The following ZNF469 variants were observed in gnomAD, a reference collection of about 807,000 sequenced individuals.
ZNF469 encodes the protein zinc finger protein 469.
ZNF469 carries 1 observed loss-of-function variant against 1.0 expected under a neutral mutation model. The observed-to-expected ratio is 1.00, with a 90% CI of 0.35 to 4.73. ZNF469 has a LOEUF of 4.73. Among genes scored for constraint, ZNF469 ranks in the 30% most tolerant of loss-of-function variants. The pLI is 0.16. For missense variants in ZNF469, 6,100 were observed against 5,356.3 expected, an observed-to-expected ratio of 1.14 and a Z score of -4.33; for synonymous variants, 2,703 against 2,363.4, an observed-to-expected ratio of 1.14 and a Z score of -4.17.
At chr16:88,371,972 C>G in the ZNF469 span, among the ~76,000 whole-genome samples, 1 of 23,180 alleles carries the variant, frequency 4.3e-5, no homozygotes, top group African/African-American at 2.0e-4. Flanking sequence ...ATCACCATCA[C>G]CACCATCATC....
At chr16:88,337,280 A>C in the ZNF469 span, among the ~76,000 whole-genome samples, 2 of 152,156 alleles carry the variant, frequency 1.3e-5, no homozygotes, top group African/African-American at 4.8e-5. Context: ...TGCTGTTCTC[A>C]TGACAGTGAA....
At chr16:88,406,440 C>G (rs1905031463) in intron 1 of ZNF469, among the ~76,000 whole-genome samples, 1 of 152,264 alleles carries the variant, frequency 6.6e-6, no homozygotes, top group African/African-American at 2.4e-5. Flanking sequence ...TTCCTGTCCT[C>G]CTCCCTGCCG....
chr16:88,201,054 C>A, the ZNF469 span, among the ~76,000 whole-genome samples: 2 of 152,290 alleles, frequency 1.3e-5, no homozygotes, highest in African/African-American at 4.8e-5. The surrounding 1 kb of genome is among the most constrained non-coding windows in gnomAD (Gnocchi z 5.0). Context: ...GAGGCTGGGC[C>A]CCTCTGTGCC....
intron 1 of ZNF469, among the ~76,000 whole-genome samples, chr16:88,384,036 G>A (rs1414824053): frequency 6.6e-6 from 1 of 152,236 alleles, no homozygotes; most frequent in Non-Finnish European, 1.5e-5. Flanking sequence ...CCCGGCGGGG[G>A]CGGGGGGGCA....
chr16:88,142,437 G>A, the ZNF469 span, among the ~76,000 whole-genome samples: 1 of 152,220 alleles, frequency 6.6e-6, no homozygotes, highest in Non-Finnish European at 1.5e-5. Flanking sequence ...GAAATAGATG[G>A]GAGGGACCTT....
chr16:88,142,881 A>G, the ZNF469 span, among the ~76,000 whole-genome samples: 1 of 152,128 alleles, frequency 6.6e-6, no homozygotes. Context: ...GGTGGGACGG[A>G]TGGCATCGTC....
the ZNF469 span, among the ~76,000 whole-genome samples, chr16:88,376,760 G>A: frequency 6.0e-4 from 91 of 152,338 alleles, 2 homozygotes; most frequent in South Asian, 0.011. Flanking sequence ...CCGGCCACAC[G>A]GCTGGCAGAC....
chr16:88,109,487 C>T, the ZNF469 span, among the ~76,000 whole-genome samples: 1 of 151,896 alleles, frequency 6.6e-6, no homozygotes, highest in Non-Finnish European at 1.5e-5. Context: ...TGTCTCCTCT[C>T]CAGGATCAGG....
At chr16:88,111,519 A>C in the ZNF469 span, among the ~76,000 whole-genome samples, 230 of 152,214 alleles carry the variant, frequency 1.5e-3, 2 homozygotes, top group South Asian at 0.046. Flanking sequence ...GTACCCATTA[A>C]CATCCCCCCC....
At chr16:88,216,361 G>T in the ZNF469 span, among the ~76,000 whole-genome samples, 1 of 152,218 alleles carries the variant, frequency 6.6e-6, no homozygotes, top group South Asian at 2.1e-4. Flanking sequence ...GGGCGCGGTG[G>T]TGGGTGCCTG....
the ZNF469 span, among the ~76,000 whole-genome samples, chr16:88,278,986 C>T: frequency 6.6e-6 from 1 of 151,592 alleles, no homozygotes; most frequent in Non-Finnish European, 1.5e-5. Flanking sequence ...GTGTGCCACG[C>T]TGACACTGGG....
At chr16:88,166,467 C>T in the ZNF469 span, among the ~76,000 whole-genome samples, 1 of 152,144 alleles carries the variant, frequency 6.6e-6, no homozygotes, top group Non-Finnish European at 1.5e-5. The surrounding 1 kb of genome is among the most constrained non-coding windows in gnomAD (Gnocchi z 4.5). Flanking sequence ...GTACGGTTCG[C>T]TGTTTTGGCA....
At chr16:88,249,701 G>A in the ZNF469 span, among the ~76,000 whole-genome samples, 43 of 152,240 alleles carry the variant, frequency 2.8e-4, 1 homozygote, top group Middle Eastern at 3.4e-3. Context: ...CTCCCAAAGC[G>A]CTGGGATTAC....
the ZNF469 span, among the ~76,000 whole-genome samples, chr16:88,360,070 T>G: frequency 1.1e-4 from 16 of 152,232 alleles, no homozygotes; most frequent in Non-Finnish European, 2.4e-4. Flanking sequence ...TTGGCCAGGC[T>G]GTTCTCAAAC....
At chr16:88,247,869 C>G in the ZNF469 span, among the ~76,000 whole-genome samples, 2 of 152,228 alleles carry the variant, frequency 1.3e-5, no homozygotes, top group Non-Finnish European at 2.9e-5. Context: ...GAACCCAGCT[C>G]CCATGGTTGG....
chr16:88,273,900 G>A, the ZNF469 span, among the ~76,000 whole-genome samples: 1 of 150,000 alleles, frequency 6.7e-6, no homozygotes, highest in African/African-American at 2.4e-5. Flanking sequence ...CGCCTCCCGG[G>A]TTCACGCCAT....
At position 88,439,090 on chromosome 16, in the gene ZNF469, C is replaced by G. The variant is rs957070796; in HGVS notation, c.11620C>G (p.Pro3874Ala). 4 of 1,550,820 alleles carry G rather than the reference C, an allele frequency of 2.6e-6. No homozygotes were observed. In the African/African-American group the frequency reaches 4.1e-5, roughly 16 times the overall value. ...CAGCCAGAACAAACCCAGGCCGCCA[C>G]CATCAGAGCAGCGGAAGGCAGAGCC... ...PNSQNKPRPP[P>A]SEQRKAEPGH... Residue 3874 changes from proline to alanine, a missense_variant, in exon 3 of 3, where the codon CCA becomes GCA. By Grantham distance (27) the Pro-to-Ala change is conservative. Coordinates refer to ENST00000565624, the MANE Select transcript of ZNF469 (RefSeq NM_001367624.2).
intron 1 of ZNF469, among the ~76,000 whole-genome samples, chr16:88,413,384 C>T (rs532653811): frequency 4.3e-4 from 66 of 152,322 alleles, no homozygotes; most frequent in African/African-American, 1.5e-3. Flanking sequence ...GCAGGAGGAA[C>T]GCAGGAGTGA....
At chr16:88,168,052 A>T in the ZNF469 span, among the ~76,000 whole-genome samples, 5 of 152,172 alleles carry the variant, frequency 3.3e-5, no homozygotes, top group African/African-American at 1.2e-4. The surrounding 1 kb of genome is among the most constrained non-coding windows in gnomAD (Gnocchi z 4.3). Context: ...TTCCAGGGAG[A>T]CGTGAGCCAT....
Sources: allele counts gnomAD v4.1 joint callset (sites outside exome capture counted in the v4.1 genomes callset), GRCh38; gene constraint gnomAD v4.1.1; non-coding constraint Gnocchi (gnomAD v3.1); transcripts MANE v1.5; gene names NCBI Gene and HGNC (gene_info 2026-07-23, HGNC 2026-07-21).